The following SGCD variants were observed in gnomAD, a reference collection of about 807,000 sequenced individuals.
SGCD encodes the protein delta-sarcoglycan.
SGCD carries 18 observed loss-of-function variants against 36.6 expected under a neutral mutation model. That is an observed-to-expected ratio of 0.49 (90% CI 0.34 to 0.73). The LOEUF is 0.73. Among genes scored for constraint, SGCD ranks in the 30% least tolerant of loss-of-function variants. SGCD has a pLI of 0.01. For missense variants in SGCD, 387 were observed against 346.7 expected, an observed-to-expected ratio of 1.12 and a Z score of -0.92; for synonymous variants, 133 against 130.6, an observed-to-expected ratio of 1.02 and a Z score of -0.12.
chr5:156,259,655 G>T (rs1765803279), intron 3 of SGCD, among the ~76,000 whole-genome samples: 1 of 152,188 alleles, frequency 6.6e-6, no homozygotes, highest in East Asian at 1.9e-4. Flanking sequence ...TATCTGCTAT[G>T]GTTTGAATAT....
chr5:156,141,648 G>C (rs1050139339), intron 3 of SGCD, among the ~76,000 whole-genome samples: 1 of 152,184 alleles, frequency 6.6e-6, no homozygotes, highest in Non-Finnish European at 1.5e-5. Context: ...TGGGGGAGGG[G>C]TTGATTATCA....
chr5:155,817,334 G>T, the SGCD span, among the ~76,000 whole-genome samples: 1 of 151,184 alleles, frequency 6.6e-6, no homozygotes, highest in Non-Finnish European at 1.5e-5. Context: ...AGTTCTTGCT[G>T]TTCTGCCATT....
chr5:155,900,287 A>T (rs950274933), intron 1 of SGCD, among the ~76,000 whole-genome samples: 7 of 152,158 alleles, frequency 4.6e-5, no homozygotes, highest in African/African-American at 1.7e-4. Context: ...TCCCCCTTTT[A>T]TGTCAATTTA....
intron 1 of SGCD, among the ~76,000 whole-genome samples, chr5:155,943,945 C>T: frequency 6.6e-6 from 1 of 152,168 alleles, no homozygotes; most frequent in East Asian, 1.9e-4. Flanking sequence ...AAAACTTCCT[C>T]AGAGCTGAAA....
the SGCD span, among the ~76,000 whole-genome samples, chr5:155,748,620 AT>A: frequency 2.0e-5 from 3 of 152,142 alleles, no homozygotes; most frequent in African/African-American, 7.2e-5. Flanking sequence ...TTTTCAACAC[AT>A]TTTGAGGCTC....
chr5:156,372,005 G>GCACT (rs1291941910), intron 3 of SGCD, among the ~76,000 whole-genome samples: 6 of 152,100 alleles, frequency 3.9e-5, no homozygotes, highest in African/African-American at 1.4e-4. Context: ...CTCTAAAAAG[G>GCACT]CACTGCATTT....
intron 1 of SGCD, among the ~76,000 whole-genome samples, chr5:156,094,471 G>A (rs934796642): frequency 2.0e-5 from 3 of 152,254 alleles, no homozygotes; most frequent in East Asian, 1.9e-4. Flanking sequence ...TGAAAGCCTG[G>A]CATTATGGTA....
Position 156,328,759 on chromosome 5 carries a change from G to T in SGCD, c.-43-775G>T, listed in dbSNP as rs190662657. Among the ~76,000 whole-genome samples, 1,396 of 152,088 alleles carry T rather than the reference G, an allele frequency of 9.2e-3. 25 individuals carry two copies. The highest frequency in any genetic ancestry group is 0.032 in the African/African-American group (1,335 of 41,472). On this transcript the variant is annotated intron_variant, in intron 1 of 8. Coordinates refer to ENST00000337851, the MANE Select transcript of SGCD (RefSeq NM_000337.6). The stretch of plus-strand genomic sequence containing the variant: ...CTTTATTAGTTTCATCTTCGTGTTG[G>T]GGTGGTGTGGGGAGGGTTTGGGGAC...
At chr5:156,394,887 A>G (rs935038479) in intron 3 of SGCD, among the ~76,000 whole-genome samples, 1 of 152,244 alleles carries the variant, frequency 6.6e-6, no homozygotes, top group Non-Finnish European at 1.5e-5. Flanking sequence ...CTGTGTAAAC[A>G]TATAGTCTTT....
chr5:156,715,934 G>A (rs1581450702), intron 7 of SGCD, among the ~76,000 whole-genome samples: 1 of 152,186 alleles, frequency 6.6e-6, no homozygotes, highest in East Asian at 1.9e-4. Flanking sequence ...GGCCTCACAG[G>A]GAGCCAAGGC....
At chr5:156,140,532 C>T (rs1762555541) in intron 3 of SGCD, among the ~76,000 whole-genome samples, 1 of 152,174 alleles carries the variant, frequency 6.6e-6, no homozygotes. Context: ...GTTTCCATAT[C>T]ATGTTGCTTT....
At chr5:155,849,936 A>G in the SGCD span, among the ~76,000 whole-genome samples, 9 of 152,238 alleles carry the variant, frequency 5.9e-5, no homozygotes, top group Non-Finnish European at 1.2e-4. Flanking sequence ...AATTCACTAC[A>G]TTTGAAGAAT....
chr5:156,613,454 ATG>A (rs1761904742), intron 6 of SGCD, among the ~76,000 whole-genome samples: 2 of 152,226 alleles, frequency 1.3e-5, no homozygotes, highest in South Asian at 4.1e-4. Flanking sequence ...CTTTTCACAC[ATG>A]TGTGAGTAAG....
chr5:156,196,646 C>T (rs1581162341), intron 3 of SGCD, among the ~76,000 whole-genome samples: 1 of 152,178 alleles, frequency 6.6e-6, no homozygotes, highest in South Asian at 2.1e-4. Context: ...CTTTGTCTTT[C>T]AACACTAGTG....
intron 3 of SGCD, among the ~76,000 whole-genome samples, chr5:156,151,098 C>G (rs989501670): frequency 6.6e-6 from 1 of 151,666 alleles, no homozygotes; most frequent in Admixed American, 6.6e-5. Flanking sequence ...CTAGATACAT[C>G]AGGGGGAGCC....
chr5:155,762,319 A>G, the SGCD span, among the ~76,000 whole-genome samples: 2 of 152,162 alleles, frequency 1.3e-5, no homozygotes, highest in Non-Finnish European at 2.9e-5. Context: ...GCTGAATGAA[A>G]TTATGGTTAA....
intron 4 of SGCD, among the ~76,000 whole-genome samples, chr5:156,524,129 T>A: frequency 9.1e-6 from 1 of 110,328 alleles, no homozygotes; most frequent in Non-Finnish European, 1.8e-5. Context: ...TATATATATA[T>A]ATATATATAT....
At chr5:156,409,480 T>A (rs2127768446) in intron 3 of SGCD, among the ~76,000 whole-genome samples, 1 of 152,308 alleles carries the variant, frequency 6.6e-6, no homozygotes, top group South Asian at 2.1e-4. Flanking sequence ...TTTTATTTGC[T>A]CCATCCCAAC....
At chr5:155,909,765 T>A (rs903260725) in intron 1 of SGCD, among the ~76,000 whole-genome samples, 35 of 152,176 alleles carry the variant, frequency 2.3e-4, no homozygotes, top group African/African-American at 8.2e-4. Flanking sequence ...TATATTAAAA[T>A]TCTTACTGGT....
Sources: allele counts gnomAD v4.1 joint callset (sites outside exome capture counted in the v4.1 genomes callset), GRCh38; gene constraint gnomAD v4.1.1; transcripts MANE v1.5; gene names NCBI Gene and HGNC (gene_info 2026-07-23, HGNC 2026-07-21).